HYCC2: variants seen among roughly 807,000 people sequenced by gnomAD.
The protein encoded by HYCC2 is hyccin PI4KA lipid kinase complex subunit 2, also known as hyccin 2.
chr2:201,014,884 C>G, the HYCC2 span, among the ~76,000 whole-genome samples: 1 of 151,940 alleles, frequency 6.6e-6, no homozygotes, highest in Non-Finnish European at 1.5e-5. Flanking sequence ...AACTGGACAT[C>G]ATGAGAAAAA....
At chr2:201,046,302 C>G in the HYCC2 span, among the ~76,000 whole-genome samples, 1 of 152,112 alleles carries the variant, frequency 6.6e-6, no homozygotes, top group African/African-American at 2.4e-5. Context: ...TGATAAAATT[C>G]TCTTAGAATT....
the HYCC2 span, among the ~76,000 whole-genome samples, chr2:201,056,205 T>TAAATA: frequency 2.3e-4 from 34 of 151,074 alleles, no homozygotes; most frequent in African/African-American, 7.3e-4. Flanking sequence ...AAAAAAAAAA[T>TAAATA]AAATAAAATA....
chr2:201,041,297 T>C, the HYCC2 span, among the ~76,000 whole-genome samples: 2 of 152,232 alleles, frequency 1.3e-5, no homozygotes, highest in African/African-American at 4.8e-5. Context: ...GCCATAATTT[T>C]GAAATCTATG....
At chr2:200,977,957 T>C in the HYCC2 span, 3 of 152,236 alleles carry the variant, frequency 2.0e-5, no homozygotes, top group African/African-American at 7.2e-5. Flanking sequence ...TTTCTTTGTA[T>C]TCTTTTATCC....
At chr2:200,993,443 T>C in the HYCC2 span, among the ~76,000 whole-genome samples, 1 of 152,312 alleles carries the variant, frequency 6.6e-6, no homozygotes, top group South Asian at 2.1e-4. Context: ...CAAAGAACTA[T>C]AAACAACTCC....
the HYCC2 span, among the ~76,000 whole-genome samples, chr2:201,023,348 CAA>C: frequency 7.4e-6 from 1 of 134,686 alleles, no homozygotes. Context: ...GACTCCATCT[CAA>C]AAAAAAAAAG....
At chr2:201,017,133 T>A in the HYCC2 span, 3 of 1,613,686 alleles carry the variant, frequency 1.9e-6, no homozygotes, top group East Asian at 6.7e-5. Context: ...TGAGCTACGA[T>A]AGAGCTCAAA....
the HYCC2 span, among the ~76,000 whole-genome samples, chr2:201,071,018 A>G: frequency 6.6e-6 from 1 of 152,210 alleles, no homozygotes; most frequent in African/African-American, 2.4e-5. Flanking sequence ...ATGGCACTCA[A>G]GCCAATGAAA....
the HYCC2 span, among the ~76,000 whole-genome samples, chr2:201,037,621 G>C: frequency 4.5e-3 from 683 of 152,240 alleles, 5 homozygotes; most frequent in African/African-American, 0.016. Flanking sequence ...TGACAAACCT[G>C]ACAAAAACAA....
chr2:201,025,378 C>T, the HYCC2 span, among the ~76,000 whole-genome samples: 3 of 151,600 alleles, frequency 2.0e-5, no homozygotes, highest in Non-Finnish European at 4.4e-5. Context: ...TGTACACCCA[C>T]TTTAATGAAC....
At chr2:201,055,476 A>G in the HYCC2 span, among the ~76,000 whole-genome samples, 2 of 151,856 alleles carry the variant, frequency 1.3e-5, no homozygotes, top group Non-Finnish European at 2.9e-5. Flanking sequence ...AGGAAGCCAA[A>G]TCATTTGAGC....
At chr2:200,982,042 C>T in the HYCC2 span, among the ~76,000 whole-genome samples, 1 of 152,032 alleles carries the variant, frequency 6.6e-6, no homozygotes, top group South Asian at 2.1e-4. Flanking sequence ...ACACAGAATT[C>T]TACTATGCTA....
At chr2:201,024,836 C>T in the HYCC2 span, among the ~76,000 whole-genome samples, 3 of 152,148 alleles carry the variant, frequency 2.0e-5, no homozygotes, top group African/African-American at 4.8e-5. Flanking sequence ...GGAAAAACAG[C>T]TGGGCACAGT....
At chr2:200,982,295 A>AC in the HYCC2 span, among the ~76,000 whole-genome samples, 1 of 151,754 alleles carries the variant, frequency 6.6e-6, no homozygotes, top group African/African-American at 2.4e-5. Context: ...TGCAAAAGAG[A>AC]CCCTCTTCTA....
chr2:201,042,485 C>T, the HYCC2 span, among the ~76,000 whole-genome samples: 8 of 150,310 alleles, frequency 5.3e-5, no homozygotes, highest in African/African-American at 1.2e-4. Flanking sequence ...GCCTCTGCCC[C>T]GCCGCGACCC....
At chr2:201,027,343 G>A in the HYCC2 span, among the ~76,000 whole-genome samples, 1 of 152,016 alleles carries the variant, frequency 6.6e-6, no homozygotes, top group Admixed American at 6.6e-5. Flanking sequence ...ACCAAAAAAA[G>A]CCCAGGACCA....
the HYCC2 span, among the ~76,000 whole-genome samples, chr2:201,048,612 A>G: frequency 2.6e-5 from 4 of 152,060 alleles, no homozygotes; most frequent in Admixed American, 2.0e-4. Flanking sequence ...AAGCCAAAAG[A>G]GTAGATACCC....
At chr2:201,036,273 T>C in the HYCC2 span, among the ~76,000 whole-genome samples, 52 of 151,740 alleles carry the variant, frequency 3.4e-4, no homozygotes, top group African/African-American at 1.3e-3. Flanking sequence ...TCAAAAAGAG[T>C]CCAGGACTAA....
At chr2:200,992,315 C>A in the HYCC2 span, 1 of 1,611,978 alleles carries the variant, frequency 6.2e-7, no homozygotes, top group Non-Finnish European at 8.5e-7. Context: ...TAGCTGGGCT[C>A]TATAAATGAT....
Sources: gnomAD v4.1 joint callset for allele counts (sites outside exome capture counted in the v4.1 genomes callset) on GRCh38, gnomAD v4.1.1 for gene constraint, MANE v1.5 for transcripts, NCBI Gene and HGNC (gene_info 2026-07-23, HGNC 2026-07-21) for gene names.